Variants in QTGAL observed in about 807,000 individuals in gnomAD.
QTGAL encodes the protein queuosine-tRNA galactosyltransferase, also known as BGnT-like protein 1.
chr17:83,027,392 G>A, the QTGAL span, among the ~76,000 whole-genome samples: 9 of 152,224 alleles, frequency 5.9e-5, no homozygotes, highest in African/African-American at 1.7e-4. Context: ...GACAAGAGAC[G>A]TCGATAGGAC....
the QTGAL span, chr17:83,005,797 C>A: frequency 9.3e-7 from 1 of 1,073,538 alleles, no homozygotes; most frequent in South Asian, 1.7e-5. The surrounding 1 kb of genome is among the most constrained non-coding windows in gnomAD (Gnocchi z 5.6). Context: ...CCCTCCCGGG[C>A]CCTGCAGAGC....
chr17:83,028,979 G>C, the QTGAL span, among the ~76,000 whole-genome samples: 1 of 152,186 alleles, frequency 6.6e-6, no homozygotes, highest in African/African-American at 2.4e-5. Flanking sequence ...AGAAACACGA[G>C]GGCACGGCGT....
At chr17:83,035,398 A>G in the QTGAL span, among the ~76,000 whole-genome samples, 1 of 152,038 alleles carries the variant, frequency 6.6e-6, no homozygotes, top group Admixed American at 6.5e-5. Flanking sequence ...CGAACTCCCA[A>G]CCTCAGGTGA....
chr17:83,008,884 G>C, the QTGAL span, among the ~76,000 whole-genome samples: 7 of 152,044 alleles, frequency 4.6e-5, no homozygotes, highest in Admixed American at 1.3e-4. Context: ...GTGCGGGCTC[G>C]AGATGATCCC....
chr17:82,970,535 GCGACC>G, the QTGAL span, among the ~76,000 whole-genome samples: 20 of 108,716 alleles, frequency 1.8e-4, 3 homozygotes, highest in African/African-American at 7.1e-4. Context: ...CAGCGTGGCC[GCGACC>G]TCCGCACCCG....
the QTGAL span, among the ~76,000 whole-genome samples, chr17:83,000,444 G>A: frequency 6.6e-6 from 1 of 152,168 alleles, no homozygotes; most frequent in Non-Finnish European, 1.5e-5. Context: ...GTGCAGTTGT[G>A]ATTCATTTCT....
the QTGAL span, among the ~76,000 whole-genome samples, chr17:83,032,510 C>CCGGT: frequency 4.2e-5 from 1 of 24,008 alleles, no homozygotes; most frequent in Non-Finnish European, 7.2e-5. Context: ...AGCTGAACAA[C>CCGGT]CAGGTCAGAC....
chr17:82,947,684 C>T, the QTGAL span: 1 of 152,360 alleles, frequency 6.6e-6, no homozygotes, highest in Non-Finnish European at 1.5e-5. Flanking sequence ...CTATGCATTC[C>T]TGTCACAGTC....
the QTGAL span, among the ~76,000 whole-genome samples, chr17:82,962,082 G>T: frequency 3.3e-5 from 5 of 152,326 alleles, no homozygotes; most frequent in Admixed American, 3.3e-4. Flanking sequence ...GAAAGGGCAG[G>T]TTTTCTGAGA....
At chr17:83,034,010 G>A in the QTGAL span, among the ~76,000 whole-genome samples, 31 of 151,924 alleles carry the variant, frequency 2.0e-4, no homozygotes, top group Non-Finnish European at 3.2e-4. Flanking sequence ...GCGCAATCTT[G>A]GCTCACTGCA....
At chr17:83,044,390 G>C in the QTGAL span, among the ~76,000 whole-genome samples, 1 of 152,146 alleles carries the variant, frequency 6.6e-6, no homozygotes, top group African/African-American at 2.4e-5. Flanking sequence ...AAAACTATAT[G>C]ATCATCTCAA....
the QTGAL span, among the ~76,000 whole-genome samples, chr17:83,049,715 T>C: frequency 6.6e-6 from 1 of 152,148 alleles, no homozygotes; most frequent in Non-Finnish European, 1.5e-5. Flanking sequence ...GCTGAGCAAA[T>C]GGGAGGCCTG....
chr17:83,023,477 A>T, the QTGAL span, among the ~76,000 whole-genome samples: 7 of 152,290 alleles, frequency 4.6e-5, no homozygotes, highest in African/African-American at 1.7e-4. Context: ...TCCAGGCTAA[A>T]GCCGACAAGT....
chr17:82,957,455 C>A, the QTGAL span: 6 of 1,610,818 alleles, frequency 3.7e-6, no homozygotes, highest in Admixed American at 1.0e-4. Flanking sequence ...GCAGGGCCTG[C>A]TCTTCCAGGA....
chr17:82,972,352 CCA>C, the QTGAL span, among the ~76,000 whole-genome samples: 2 of 130,498 alleles, frequency 1.5e-5, no homozygotes, highest in African/African-American at 6.4e-5. Flanking sequence ...CCACACCACA[CCA>C]CAGGGGATAG....
the QTGAL span, among the ~76,000 whole-genome samples, chr17:83,036,524 C>CA: frequency 7.2e-5 from 11 of 152,116 alleles, no homozygotes; most frequent in African/African-American, 1.4e-4. Context: ...AGAGGAGTTT[C>CA]AAAAAATCTC....
the QTGAL span, among the ~76,000 whole-genome samples, chr17:83,051,097 C>A: frequency 1.2e-5 from 1 of 86,834 alleles, no homozygotes; most frequent in Non-Finnish European, 2.2e-5. Flanking sequence ...CAGGTGCGCG[C>A]GGCAGGTGCG....
At chr17:82,996,888 AATC>A in the QTGAL span, among the ~76,000 whole-genome samples, 1 of 152,218 alleles carries the variant, frequency 6.6e-6, no homozygotes, top group African/African-American at 2.4e-5. Context: ...CATATGCAAA[AATC>A]AAATCAAAAT....
the QTGAL span, among the ~76,000 whole-genome samples, chr17:82,972,716 T>C: frequency 9.5e-3 from 935 of 98,210 alleles, 43 homozygotes; most frequent in African/African-American, 0.034. Context: ...CAGAAGGACC[T>C]GGTACTGACC....
Sources: gnomAD v4.1 joint callset for allele counts (sites outside exome capture counted in the v4.1 genomes callset) on GRCh38, gnomAD v4.1.1 for gene constraint, Gnocchi (gnomAD v3.1) non-coding constraint, MANE v1.5 for transcripts, NCBI Gene and HGNC (gene_info 2026-07-23, HGNC 2026-07-21) for gene names.